The following UGGT2 variants were observed in gnomAD, a reference collection of about 807,000 sequenced individuals.
UGGT2 encodes the protein UDP-glucose glycoprotein glucosyltransferase 2.
UGGT2 carries 180 observed loss-of-function variants against 192.1 expected under a neutral mutation model. The observed-to-expected ratio is 0.94, with a 90% CI of 0.83 to 1.06. The LOEUF is 1.06. Ranked by LOEUF, UGGT2 falls within the 50% of genes least tolerant of loss-of-function variation. The pLI is 0.00. For missense variants in UGGT2, 1,849 were observed against 1,795.7 expected, an observed-to-expected ratio of 1.03 and a Z score of -0.54; for synonymous variants, 580 against 591.0, an observed-to-expected ratio of 0.98 and a Z score of 0.27.
intron 6 of UGGT2, 36 bp downstream of exon 6, chr13:95,999,175 T>C (rs1351183116): frequency 6.4e-7 from 1 of 1,573,968 alleles, no homozygotes; most frequent in Non-Finnish European, 8.7e-7. Context: ...GCCTCCAACT[T>C]TTCATTCTAC....
In UGGT2 at chr13:95,832,771, T is replaced by TA. The variant is rs573656594; in HGVS notation, c.4528+155dup. Reference sequence around the variant, plus strand: ...TATCTATGTTTTAAACTTGTAAGCTTAGTCTACACAAAAATACACCTTTAA... The same window carrying TA: ...TATCTATGTTTTAAACTTGTAAGCTTAAGTCTACACAAAAATACACCTTTAA... On this transcript the variant is annotated intron_variant, in intron 38 of 38. Transcript: ENST00000376747. The TA allele has an allele frequency of 7.0e-5, 75 of 1,075,604 alleles. 1 individual carries two copies. The South Asian group carries it at 8.5e-4, about 12-fold the overall frequency. The allele number at this position is 1,075,604 out of a possible 1,614,324, so 66.6% of individuals were successfully genotyped here.
At chr13:95,963,704 G>A (rs1228962167) in intron 12 of UGGT2, among the ~76,000 whole-genome samples, 1 of 151,966 alleles carries the variant, frequency 6.6e-6, no homozygotes, top group Non-Finnish European at 1.5e-5. Context: ...TATAAAATCA[G>A]CACACAAAAA....
At chr13:95,949,265 G>A (rs1223976316) in intron 13 of UGGT2, 70 bp downstream of exon 13, 2 of 1,313,794 alleles carry the variant, frequency 1.5e-6, no homozygotes, top group African/African-American at 3.1e-5. Flanking sequence ...TTCATTGACA[G>A]AAGGATAATC....
chr13:95,821,063 T>TC (rs1407447962), intron 38 of UGGT2, among the ~76,000 whole-genome samples: 1 of 152,172 alleles, frequency 6.6e-6, no homozygotes, highest in Non-Finnish European at 1.5e-5. Context: ...TGTGCATGTG[T>TC]CTTTCTCATA....
chr13:96,009,527 A>C (rs1331542310), intron 5 of UGGT2, among the ~76,000 whole-genome samples: 1 of 152,214 alleles, frequency 6.6e-6, no homozygotes, highest in East Asian at 1.9e-4. Flanking sequence ...AAGTGAGCGA[A>C]GGCTGGACGC....
chr13:96,046,655 C>T (rs1271840944), intron 1 of UGGT2, among the ~76,000 whole-genome samples: 3 of 152,146 alleles, frequency 2.0e-5, no homozygotes, highest in Non-Finnish European at 4.4e-5. Flanking sequence ...GAGTGTGAGC[C>T]GAAGCGGGGC....
intron 20 of UGGT2, among the ~76,000 whole-genome samples, chr13:95,904,631 T>A (rs1297623108): frequency 6.6e-6 from 1 of 152,146 alleles, no homozygotes; most frequent in Non-Finnish European, 1.5e-5. Flanking sequence ...GAACTCATCA[T>A]TTTTTATGGC....
At chr13:95,950,846 C>T (rs375418854) in intron 12 of UGGT2, among the ~76,000 whole-genome samples, 8 of 151,862 alleles carry the variant, frequency 5.3e-5, no homozygotes, top group East Asian at 1.9e-4. Context: ...GATTAGTAAA[C>T]GTGACAACAG....
intron 36 of UGGT2, among the ~76,000 whole-genome samples, chr13:95,848,928 T>C (rs1888744021): frequency 6.6e-6 from 1 of 152,198 alleles, no homozygotes; most frequent in Non-Finnish European, 1.5e-5. Flanking sequence ...TACCTCTTCA[T>C]GTATTTCAGT....
intron 35 of UGGT2, among the ~76,000 whole-genome samples, chr13:95,854,067 G>A (rs1352294467): frequency 5.3e-5 from 8 of 152,174 alleles, no homozygotes; most frequent in African/African-American, 1.9e-4. Context: ...TTACATGAAT[G>A]CTGTATGCCT....
intron 6 of UGGT2, among the ~76,000 whole-genome samples, chr13:95,998,640 GTTTA>G (rs1265366174): frequency 1.3e-5 from 2 of 152,096 alleles, no homozygotes; most frequent in African/African-American, 4.8e-5. Context: ...AACTTGTTTA[GTTTA>G]TTTAAGTCTT....
chr13:95,861,429 C>T (rs561452715), intron 31 of UGGT2, among the ~76,000 whole-genome samples: 13 of 152,184 alleles, frequency 8.5e-5, no homozygotes, highest in African/African-American at 2.4e-4. Context: ...CTCTGGATGA[C>T]TTCCATGACA....
rs1886885528 is a variant in UGGT2 at position 95,832,954 on chromosome 13, G to T, written c.4501C>A (p.His1501Asn). The T allele has an allele frequency of 6.2e-7, 1 of 1,612,478 alleles. No homozygotes were observed. The highest frequency in any genetic ancestry group is 1.7e-5 in the Admixed American group (1 of 59,908). Residue 1501 changes from histidine (H) to asparagine (N), a missense_variant, in exon 38 of 39, where the codon CAT becomes AAT. Coordinates refer to ENST00000376747, the MANE Select transcript of UGGT2 (RefSeq NM_020121.4). ...GTATCTTGCTTCTTGTTTTCAAGAT[G>T]ATCTAATAGTTGTCTTATCTCAGCA... ...YDAEIRQLLD[H>N]LENKKQDTIL...
At position 95,902,958 on chromosome 13, in the gene UGGT2, TAAG is replaced by T. The variant is rs774216747; in HGVS notation, c.2395_2397del (p.Leu799del). On this transcript the variant is annotated inframe_deletion, in exon 21 of 39. Coordinates refer to ENST00000376747, the MANE Select transcript of UGGT2 (RefSeq NM_020121.4). ...CTTCTCAAAAACATGTTCTTCTGTG[TAAG>T]AAAAGCTGCCAAAATTCCTCTAGAA... 6.2e-7 allele frequency: 1 copy of T among 1,613,622 alleles called. No homozygotes were observed. Among genetic ancestry groups the T allele is most frequent in the South Asian group, 1.1e-5 (1 of 91,062 alleles).
intron 38 of UGGT2, among the ~76,000 whole-genome samples, chr13:95,815,827 T>A (rs1172099615): frequency 6.6e-6 from 1 of 152,148 alleles, no homozygotes; most frequent in Non-Finnish European, 1.5e-5. Flanking sequence ...ATCCCCAGTG[T>A]TGGAGGTGGG....
chr13:95,807,299 T>G (rs945043650), intron 38 of UGGT2, among the ~76,000 whole-genome samples: 6 of 152,128 alleles, frequency 3.9e-5, no homozygotes, highest in Non-Finnish European at 5.9e-5. Flanking sequence ...GTTGTTAGTT[T>G]GGTCTTGCTG....
chr13:95,824,839 A>G (rs954605521), intron 38 of UGGT2, among the ~76,000 whole-genome samples: 6 of 152,158 alleles, frequency 3.9e-5, no homozygotes, highest in African/African-American at 1.4e-4. Context: ...TGGGGGTGTT[A>G]AAGAACACTG....
In UGGT2 at chr13:95,894,795, C is replaced by T. The variant is rs140183377; in HGVS notation, c.2760-138G>A. ...AAAGTAGACTGCAAAGGGAGACCTA[C>T]GTATAATAGCATTTCTCTAAAACAG... On this transcript the variant is annotated intron_variant, in intron 23 of 38. Transcript: ENST00000376747. 326 of 630,016 alleles carry T rather than the reference C, an allele frequency of 5.2e-4. 2 individuals carry two copies. Among genetic ancestry groups the T allele is most frequent in the African/African-American group, 5.0e-3 (269 of 53,706 alleles). The allele number at this position is 630,016 out of a possible 1,614,324, so 39.0% of individuals were successfully genotyped here. A position where few individuals can be genotyped will look rare whatever the true frequency, so the allele number is the denominator to read the frequency against.
In UGGT2 at chr13:95,927,224, A is replaced by G. The variant is rs2140438340; in HGVS notation, c.2090T>C (p.Ile697Thr). ...LRTNQQYLNLISTSVTADVED... is the reference protein window; with the variant it reads ...LRTNQQYLNLTSTSVTADVED... Reference sequence around the variant, plus strand: ...TAGGATTATTTTACCTGATGTAGATATTAAATTGAGGTACTGCTGGTTAGT... The same window carrying G: ...TAGGATTATTTTACCTGATGTAGATGTTAAATTGAGGTACTGCTGGTTAGT... The change falls in exon 18 of 39, where the codon ATA (isoleucine) becomes ACA (threonine). Residue 697 changes from isoleucine to threonine, a missense_variant. Coordinates refer to ENST00000376747, the MANE Select transcript of UGGT2 (RefSeq NM_020121.4). 1 of 1,611,714 alleles carries G rather than the reference A, an allele frequency of 6.2e-7. No homozygotes were observed. The highest frequency in any genetic ancestry group is 2.2e-5 in the East Asian group (1 of 44,726).
Sources: gnomAD v4.1 joint callset for allele counts (sites outside exome capture counted in the v4.1 genomes callset) on GRCh38, gnomAD v4.1.1 for gene constraint, MANE v1.5 for transcripts, NCBI Gene and HGNC (gene_info 2026-07-23, HGNC 2026-07-21) for gene names.